MAGEB6: variants seen among roughly 807,000 people sequenced by gnomAD.
The protein encoded by MAGEB6 is MAGE family member B6.
For synonymous variants in MAGEB6, 128 were observed against 136.2 expected, an observed-to-expected ratio of 0.94 and a Z score of 0.42; for missense variants, 327 against 329.7, an observed-to-expected ratio of 0.99 and a Z score of 0.06.
At position 26,194,713 on chromosome X, in the gene MAGEB6, G is replaced by A; in HGVS notation, c.867G>A (p.Met289Ile). The change falls in exon 2 of 2, where the codon ATG becomes ATA. Residue 289 changes from methionine to isoleucine, a missense_variant. Physicochemically the swap from Met to Ile is conservative, Grantham distance 10. Coordinates refer to ENST00000379034, the MANE Select transcript of MAGEB6 (RefSeq NM_173523.2). ...DNALPKSGLL[M>I]SLLVVIFMNG... ...CGCTGCCGAAGTCGGGTCTCCTGAT[G>A]TCGCTCCTGGTTGTGATCTTCATGA... 8.3e-7 allele frequency: 1 copy of A among 1,211,500 alleles called. No homozygotes were observed. Among genetic ancestry groups the A allele is most frequent in the East Asian group, 3.0e-5 (1 of 33,796 alleles).
chrX:26,194,701 G>A lies in MAGEB6; in HGVS notation c.855G>A (p.Ser285=), dbSNP rs756424439. Residue 285 remains serine (S), a synonymous_variant, in exon 2 of 2, where the codon TCG becomes TCA. Coordinates refer to ENST00000379034, the MANE Select transcript of MAGEB6 (RefSeq NM_173523.2). ...GTGGTGATAATGCGCTGCCGAAGTC[G>A]GGTCTCCTGATGTCGCTCCTGGTTG... is the stretch of plus-strand genomic sequence containing the variant. ...ILSGDNALPK[S]GLLMSLLVVI... The A allele has an allele frequency of 2.9e-4, 355 of 1,209,358 alleles. 5 individuals are homozygous for A. In the South Asian group the frequency reaches 5.7e-3, roughly 19 times the overall value.
Position 26,193,875 on chromosome X carries a change from G to A in MAGEB6, c.29G>A (p.Arg10His), listed in dbSNP as rs201048484. Residue 10 changes from arginine (R) to histidine (H), a missense_variant, in exon 2 of 2, where the codon CGT becomes CAT. Coordinates refer to ENST00000379034, the MANE Select transcript of MAGEB6 (RefSeq NM_173523.2). MPRGHKSKL[R>H]TCEKRQETNG... Reference sequence around the variant, plus strand: ...CCTCGGGGTCACAAGAGTAAGCTCCGTACCTGTGAGAAACGCCAAGAGACC... The same window carrying A: ...CCTCGGGGTCACAAGAGTAAGCTCCATACCTGTGAGAAACGCCAAGAGACC... The A allele has an allele frequency of 3.4e-5, 40 of 1,179,727 alleles. No individual in the cohort carries two copies. The highest frequency in any genetic ancestry group is 2.4e-4 in the East Asian group (8 of 33,479).
chrX:26,194,310 G>C lies in MAGEB6; in HGVS notation c.464G>C (p.Gly155Ala), dbSNP rs73499811. The C allele has an allele frequency of 7.2e-3, 8,745 of 1,209,201 alleles. 393 individuals carry two copies. The African/African-American group carries it at 0.13, about 19-fold the overall frequency. The change falls in exon 2 of 2, where the codon GGC (glycine) becomes GCC (alanine). Residue 155 changes from glycine to alanine, a missense_variant. Transcript: ENST00000379034. ...GAGTCTCAGGGAGCTTCACCCACTG[G>C]CTCGCCTGATGCAGGTGTTTCAGGC... is the stretch of plus-strand genomic sequence containing the variant. ...PQESQGASPT[G>A]SPDAGVSGSK...
Position 26,194,593 on chromosome X carries a change from C to T in MAGEB6, c.747C>T (p.Gly249=). The stretch of plus-strand genomic sequence containing the variant: ...CCCAACATTTGGTGGTGGCCTTTGG[C>T]GTTGAATTGAAAGAAATGGATTCCA... The part of the protein sequence containing the change: ...RTSQHLVVAF[G]VELKEMDSSG... The change falls in exon 2 of 2, where the codon GGC becomes GGT. Residue 249 remains glycine, a synonymous_variant. Transcript: ENST00000379034. 8.3e-7 allele frequency: 1 copy of T among 1,211,375 alleles called. No homozygotes were observed. The highest frequency in any genetic ancestry group is 1.1e-6 in the Non-Finnish European group (1 of 895,430).
Position 26,193,858 on chromosome X carries a change from T to A in MAGEB6, c.12T>A (p.Gly4=), listed in dbSNP as rs145353149. The A allele has an allele frequency of 4.3e-6, 5 of 1,159,829 alleles. No homozygotes were observed. In the African/African-American group the frequency reaches 9.1e-5, roughly 21 times the overall value. MPR[G]HKSKLRTCEK... ...AGGCCACAGCCATCATGCCTCGGGG[T>A]CACAAGAGTAAGCTCCGTACCTGTG... Residue 4 remains glycine (G), a synonymous_variant, in exon 2 of 2, where the codon GGT becomes GGA. Transcript: ENST00000379034.
chrX:26,193,763 T>C, intron 1 of MAGEB6, 23 bp from the exon 2 acceptor site: 4 of 1,037,789 alleles, frequency 3.9e-6, no homozygotes, highest in Non-Finnish European at 3.9e-6. Flanking sequence ...GATATTGACG[T>C]GACGTCACTC....
Position 26,195,159 on chromosome X carries a change from A to T in MAGEB6, c.*89A>T. On this transcript the variant is annotated 3_prime_UTR_variant, in exon 2 of 2. Transcript: ENST00000379034. ...CATTTCTAGGGAGGTCTGAAGTAGA[A>T]TTTTCACTTTATGTTAGAAGAGAGT... 9.4e-7 allele frequency: 1 copy of T among 1,062,901 alleles called. No homozygotes were observed. 87.6% of individuals were successfully genotyped at this position (1,062,901 alleles called of 1,213,427 possible).
Position 26,193,870 on chromosome X carries a change from G to A in MAGEB6, c.24G>A (p.Lys8=), listed in dbSNP as rs377232157. The change falls in exon 2 of 2, where the codon AAG becomes AAA. Residue 8 remains lysine, a synonymous_variant. Coordinates refer to ENST00000379034, the MANE Select transcript of MAGEB6 (RefSeq NM_173523.2). The part of the protein sequence containing the change: MPRGHKS[K]LRTCEKRQET... Reference sequence around the variant, plus strand: ...TCATGCCTCGGGGTCACAAGAGTAAGCTCCGTACCTGTGAGAAACGCCAAG... The same window carrying A: ...TCATGCCTCGGGGTCACAAGAGTAAACTCCGTACCTGTGAGAAACGCCAAG... 2.6e-6 allele frequency: 3 copies of A among 1,176,116 alleles called. No homozygotes were observed. Among genetic ancestry groups the A allele is most frequent in the Non-Finnish European group, 3.4e-6 (3 of 877,391 alleles).
intron 1 of MAGEB6, 70 bp downstream of exon 1, chrX:26,192,597 G>A (rs1929125026): frequency 9.0e-6 from 1 of 111,648 alleles, no homozygotes; most frequent in African/African-American, 3.3e-5. Flanking sequence ...AAGAAAGGCG[G>A]CTCCACAGAG....
chrX:26,195,278 G>T lies in MAGEB6; in HGVS notation c.*208G>T. The T allele has an allele frequency of 2.5e-6, 1 of 398,345 alleles. No homozygotes were observed. The highest frequency in any genetic ancestry group is 7.8e-5 in the South Asian group (1 of 12,896). 32.8% of individuals were successfully genotyped at this position (398,345 alleles called of 1,213,427 possible). Reference sequence around the variant, plus strand: ...ACACATGAGTAACTTGCAGATTTATGTTTTATCTCTGTCAGTTATCAACAT... The same window carrying T: ...ACACATGAGTAACTTGCAGATTTATTTTTTATCTCTGTCAGTTATCAACAT... On this transcript the variant is annotated 3_prime_UTR_variant, in exon 2 of 2. Transcript: ENST00000379034.
intron 1 of MAGEB6, among the ~76,000 whole-genome samples, chrX:26,193,398 A>C (rs1929139007): frequency 1.2e-5 from 1 of 85,455 alleles, no homozygotes; most frequent in African/African-American, 4.7e-5. Flanking sequence ...TCCTGTGTCC[A>C]TGTGTTCTCA....
At chrX:26,193,112 G>C (rs1162815847) in intron 1 of MAGEB6, among the ~76,000 whole-genome samples, 4 of 111,434 alleles carry the variant, frequency 3.6e-5, no homozygotes, top group African/African-American at 1.3e-4. Flanking sequence ...TTGGGCAGAA[G>C]TGCTTCCTTA....
At position 26,193,924 on chromosome X, in the gene MAGEB6, G is replaced by C; in HGVS notation, c.78G>C (p.Thr26=). Residue 26 remains threonine, a synonymous_variant, in exon 2 of 2, where the codon ACG becomes ACC. Coordinates refer to ENST00000379034, the MANE Select transcript of MAGEB6 (RefSeq NM_173523.2). Reference sequence around the variant, plus strand: ...CCAATGGTCAGCCACAGGGTCTCACGGGTCCCCAGGCCACTGCAGAGAAGC... The same window carrying C: ...CCAATGGTCAGCCACAGGGTCTCACCGGTCCCCAGGCCACTGCAGAGAAGC... The part of the protein sequence containing the change: ...QETNGQPQGL[T]GPQATAEKQE... 8.3e-7 allele frequency: 1 copy of C among 1,206,676 alleles called. No individual in the cohort carries two copies. The highest frequency in any genetic ancestry group is 1.1e-6 in the Non-Finnish European group (1 of 892,623).
rs756264135 is a variant in MAGEB6 at position 26,194,045 on chromosome X, G to A, written c.199G>A (p.Val67Met). The change falls in exon 2 of 2, where the codon GTG becomes ATG. Residue 67 changes from valine to methionine, a missense_variant. Val to Met is a conservative substitution (Grantham distance 21). Transcript: ENST00000379034. ...DASIPQESQG[V>M]SPTGSPDAVV... ...CTCCATTCCTCAGGAGTCTCAGGGA[G>A]TGTCACCCACTGGGTCTCCTGATGC... The A allele has an allele frequency of 5.8e-6, 7 of 1,209,969 alleles. No homozygotes were observed. In the African/African-American group the frequency reaches 1.1e-4, roughly 18 times the overall value.
chrX:26,193,994 G>C lies in MAGEB6; in HGVS notation c.148G>C (p.Gly50Arg), dbSNP rs761876277. Residue 50 changes from glycine (G) to arginine (R), a missense_variant, in exon 2 of 2, where the codon GGT becomes CGT. Transcript: ENST00000379034. Reference sequence around the variant, plus strand: ...CTCATCCTCTTCTCGCGCTTGTCTGGGTGATTGTCGTAGGTCTTCTGATGC... The same window carrying C: ...CTCATCCTCTTCTCGCGCTTGTCTGCGTGATTGTCGTAGGTCTTCTGATGC... ...SSSSSSRACL[G>R]DCRRSSDASI... 4.5e-5 allele frequency: 55 copies of C among 1,209,989 alleles called. No individual in the cohort carries two copies. Among genetic ancestry groups the C allele is most frequent in the Non-Finnish European group, 5.7e-5 (51 of 895,170 alleles).
chrX:26,193,994 G>A lies in MAGEB6; in HGVS notation c.148G>A (p.Gly50Ser). 1.7e-6 allele frequency: 2 copies of A among 1,211,815 alleles called. No individual in the cohort carries two copies. The highest frequency in any genetic ancestry group is 2.2e-6 in the Non-Finnish European group (2 of 895,463). Residue 50 changes from glycine to serine, a missense_variant, in exon 2 of 2, where the codon GGT becomes AGT. Transcript: ENST00000379034. ...SSSSSSRACL[G>S]DCRRSSDASI... Reference sequence around the variant, plus strand: ...CTCATCCTCTTCTCGCGCTTGTCTGGGTGATTGTCGTAGGTCTTCTGATGC... The same window carrying A: ...CTCATCCTCTTCTCGCGCTTGTCTGAGTGATTGTCGTAGGTCTTCTGATGC...
At position 26,194,686 on chromosome X, in the gene MAGEB6, T is replaced by C. The variant is rs1929168833; in HGVS notation, c.840T>C (p.Asn280=). The change falls in exon 2 of 2, where the codon AAT becomes AAC. Residue 280 remains asparagine (N), a synonymous_variant. Coordinates refer to ENST00000379034, the MANE Select transcript of MAGEB6 (RefSeq NM_173523.2). ...GTGAAGGAATTCTGAGTGGTGATAA[T>C]GCGCTGCCGAAGTCGGGTCTCCTGA... ...LPSEGILSGD[N]ALPKSGLLMS... The C allele has an allele frequency of 5.8e-6, 7 of 1,211,190 alleles. No individual in the cohort carries two copies. The highest frequency in any genetic ancestry group is 1.8e-5 in the South Asian group (1 of 56,910).
At position 26,194,266 on chromosome X, in the gene MAGEB6, T is replaced by C. The variant is rs147251655; in HGVS notation, c.420T>C (p.His140=). ...GQDEKSPSTS[H]DVSVPQESQG... ...ATGAGAAAAGTCCAAGCACTTCCCA[T>C]GATGTCTCCGTTCCTCAGGAGTCTC... The change falls in exon 2 of 2, where the codon CAT becomes CAC. Residue 140 remains histidine (H), a synonymous_variant. Coordinates refer to ENST00000379034, the MANE Select transcript of MAGEB6 (RefSeq NM_173523.2). 1.0e-5 allele frequency: 12 copies of C among 1,205,160 alleles called. No individual in the cohort carries two copies. The African/African-American group carries it at 2.1e-4, about 22-fold the overall frequency.
chrX:26,194,256 G>A lies in MAGEB6; in HGVS notation c.410G>A (p.Ser137Asn). ...AACGGCCAAGATGAGAAAAGTCCAA[G>A]CACTTCCCATGATGTCTCCGTTCCT... ...AANGQDEKSPSTSHDVSVPQE... is the reference protein window; with the variant it reads ...AANGQDEKSPNTSHDVSVPQE... Residue 137 changes from serine to asparagine, a missense_variant, in exon 2 of 2, where the codon AGC becomes AAC. Physicochemically the swap from Ser to Asn is conservative, Grantham distance 46. Coordinates refer to ENST00000379034, the MANE Select transcript of MAGEB6 (RefSeq NM_173523.2). The A allele has an allele frequency of 2.5e-6, 3 of 1,208,410 alleles. 1 individual carries two copies. In the Middle Eastern group the frequency reaches 6.9e-4, roughly 280 times the overall value.
Sources: allele counts gnomAD v4.1 joint callset (sites outside exome capture counted in the v4.1 genomes callset), GRCh38; gene constraint gnomAD v4.1.1; transcripts MANE v1.5; gene names NCBI Gene and HGNC (gene_info 2026-07-23, HGNC 2026-07-21).